Variants in GAP43 observed in about 807,000 individuals in gnomAD.
GAP43 encodes growth associated protein 43.
GAP43 carries 6 observed loss-of-function variants against 18.6 expected under a neutral mutation model. The observed-to-expected ratio is 0.32, with a 90% CI of 0.18 to 0.64. The LOEUF is 0.64. GAP43 is among the 30% of genes least tolerant of loss of function. GAP43 has a pLI of 0.78. For missense variants in GAP43, 292 were observed against 295.5 expected, an observed-to-expected ratio of 0.99 and a Z score of 0.09; for synonymous variants, 115 against 111.4, an observed-to-expected ratio of 1.03 and a Z score of -0.20.
chr3:115,674,615 G>A (rs1337773066), intron 1 of GAP43, among the ~76,000 whole-genome samples: 1 of 152,140 alleles, frequency 6.6e-6, no homozygotes, highest in Non-Finnish European at 1.5e-5. Context: ...TTGTGACTTA[G>A]TTAATATAAG....
intron 2 of GAP43, among the ~76,000 whole-genome samples, chr3:115,703,214 A>G (rs1226741314): frequency 6.6e-6 from 1 of 152,134 alleles, no homozygotes; most frequent in Non-Finnish European, 1.5e-5. Flanking sequence ...TTCACAGAGA[A>G]ATAAGGAAGG....
At chr3:115,711,223 C>T (rs942751842) in intron 2 of GAP43, among the ~76,000 whole-genome samples, 6 of 152,258 alleles carry the variant, frequency 3.9e-5, no homozygotes, top group Non-Finnish European at 7.4e-5. Flanking sequence ...AAATTCTTCA[C>T]GGTCATATGT....
Position 115,623,527 on chromosome 3 carries a change from C to A in GAP43, c.-163C>A. ...TGGACCTTACAGTTGCTGCTAACTG[C>A]CCTGGTGTGTGTGAGGGAGAGAGAG... is the stretch of plus-strand genomic sequence containing the variant. On this transcript the variant is annotated 5_prime_UTR_variant, in exon 1 of 3. Coordinates refer to ENST00000305124, the MANE Select transcript of GAP43 (RefSeq NM_002045.4). 1.3e-6 allele frequency: 1 copy of A among 749,534 alleles called. No individual in the cohort carries two copies. Among genetic ancestry groups the A allele is most frequent in the Non-Finnish European group, 2.3e-6 (1 of 440,210 alleles). The allele number at this position is 749,534 out of a possible 1,614,324, so 46.4% of individuals were successfully genotyped here. A position where few individuals can be genotyped will look rare whatever the true frequency, so the allele number is the denominator to read the frequency against.
At chr3:115,717,422 G>T (rs758105108) in intron 2 of GAP43, among the ~76,000 whole-genome samples, 4 of 151,124 alleles carry the variant, frequency 2.6e-5, no homozygotes, top group Admixed American at 6.6e-5. Context: ...TGATTTTCCT[G>T]CTTCAGCCTC....
chr3:115,635,486 G>A (rs1347183259), intron 1 of GAP43, among the ~76,000 whole-genome samples: 1 of 152,074 alleles, frequency 6.6e-6, no homozygotes, highest in Non-Finnish European at 1.5e-5. Flanking sequence ...CCAGTATGGA[G>A]GAGGAAATGA....
At position 115,623,582 on chromosome 3, in the gene GAP43, G is replaced by T. The variant is rs1412058734; in HGVS notation, c.-108G>T. On this transcript the variant is annotated 5_prime_UTR_variant, in exon 1 of 3. Coordinates refer to ENST00000305124, the MANE Select transcript of GAP43 (RefSeq NM_002045.4). Reference sequence around the variant, plus strand: ...GGAGGGAGAGAGAGCGCGCTAGCGCGAGAGAGCGAGTGAGCAAGCGAGCAG... The same window carrying T: ...GGAGGGAGAGAGAGCGCGCTAGCGCTAGAGAGCGAGTGAGCAAGCGAGCAG... 1.3e-4 allele frequency: 183 copies of T among 1,435,948 alleles called. No homozygotes were observed. The highest frequency in any genetic ancestry group is 1.6e-4 in the Non-Finnish European group (164 of 1,028,406). 89.0% of individuals were successfully genotyped at this position (1,435,948 alleles called of 1,614,324 possible). A position where few individuals can be genotyped will look rare whatever the true frequency, so the allele number is the denominator to read the frequency against.
At chr3:115,665,847 A>C (rs561621753) in intron 1 of GAP43, among the ~76,000 whole-genome samples, 1 of 152,320 alleles carries the variant, frequency 6.6e-6, no homozygotes, top group East Asian at 1.9e-4. Flanking sequence ...TTCATTTGTA[A>C]CTTTTATCAG....
In GAP43 at chr3:115,717,598, C is replaced by T. The variant is rs538267787; in HGVS notation, c.629-3196C>T. ...TGCTGGGATTACAGGTGTGAGCCAC[C>T]GCACCCAGCCTGAATTTTATTGTCT... On this transcript the variant is annotated intron_variant, in intron 2 of 2. Coordinates refer to ENST00000305124, the MANE Select transcript of GAP43 (RefSeq NM_002045.4). 7.2e-5 allele frequency among the ~76,000 whole-genome samples: 11 copies of T among 151,924 alleles called. No homozygotes were observed. In the South Asian group the frequency reaches 1.0e-3, roughly 14 times the overall value.
intron 1 of GAP43, among the ~76,000 whole-genome samples, chr3:115,671,766 T>G (rs1037069825): frequency 6.6e-6 from 1 of 152,206 alleles, no homozygotes; most frequent in African/African-American, 2.4e-5. Flanking sequence ...CTATCTTTAG[T>G]GACATTTATG....
intron 2 of GAP43, among the ~76,000 whole-genome samples, chr3:115,706,180 C>G (rs896081278): frequency 1.3e-5 from 2 of 151,798 alleles, no homozygotes; most frequent in Admixed American, 6.6e-5. Context: ...AACTTTCTCA[C>G]AAAAAAAGCT....
chr3:115,711,699 C>T (rs977430789), intron 2 of GAP43, among the ~76,000 whole-genome samples: 5 of 152,172 alleles, frequency 3.3e-5, no homozygotes, highest in African/African-American at 7.2e-5. Context: ...CCTCTTCCCT[C>T]CAACCCCCAA....
chr3:115,715,950 A>G (rs1709496985), intron 2 of GAP43, among the ~76,000 whole-genome samples: 1 of 152,188 alleles, frequency 6.6e-6, no homozygotes, highest in African/African-American at 2.4e-5. Flanking sequence ...TAAACCATTC[A>G]GTCTCCCTGT....
intron 2 of GAP43, among the ~76,000 whole-genome samples, chr3:115,714,574 A>G (rs1709477949): frequency 6.6e-6 from 1 of 152,074 alleles, no homozygotes; most frequent in Non-Finnish European, 1.5e-5. Flanking sequence ...AAGGTTATTT[A>G]CTCCTGAAAA....
chr3:115,654,944 G>A (rs556189558), intron 1 of GAP43, among the ~76,000 whole-genome samples: 15 of 152,270 alleles, frequency 9.9e-5, no homozygotes, highest in African/African-American at 3.6e-4. Flanking sequence ...GCATCTAGCA[G>A]GGAAGTCCAG....
Position 115,652,356 on chromosome 3 carries a change from C to CTTTTTTTTTTTTTTTTT in GAP43, c.31-23644_31-23628dup, listed in dbSNP as rs71141831. ...TTCCTGATGATTCTTATCCAGCATT[C>CTTTTTTTTTTTTTTTTT]TTTTTTTTTTTTTTTTTTTTTTTTT... On this transcript the variant is annotated intron_variant, in intron 1 of 2. Transcript: ENST00000305124. Among the ~76,000 whole-genome samples, 23 of 43,806 alleles carry CTTTTTTTTTTTTTTTTT rather than the reference C, an allele frequency of 5.3e-4. 6 individuals carry two copies. Among genetic ancestry groups the CTTTTTTTTTTTTTTTTT allele is most frequent in the East Asian group, 9.1e-4 (1 of 1,104 alleles). The allele number at this position is 43,806 out of a possible 152,430, so 28.7% of individuals were successfully genotyped here.
chr3:115,661,719 A>C (rs1420645892), intron 1 of GAP43, among the ~76,000 whole-genome samples: 1 of 150,396 alleles, frequency 6.6e-6, no homozygotes, highest in Non-Finnish European at 1.5e-5. Context: ...CGATCTCCTG[A>C]CCTCGTGATC....
intron 2 of GAP43, among the ~76,000 whole-genome samples, chr3:115,684,114 A>G (rs552259350): frequency 1.1e-4 from 17 of 152,194 alleles, no homozygotes; most frequent in Non-Finnish European, 1.8e-4. Context: ...GGAAGAAAGT[A>G]TTCTAGGAAG....
chr3:115,707,914 C>T (rs1004553935), intron 2 of GAP43, among the ~76,000 whole-genome samples: 6 of 151,908 alleles, frequency 3.9e-5, no homozygotes, highest in African/African-American at 4.8e-5. Context: ...GTTTTCTTCC[C>T]GAGGTAATTG....
At chr3:115,655,834 C>T (rs1474516590) in intron 1 of GAP43, among the ~76,000 whole-genome samples, 1 of 152,058 alleles carries the variant, frequency 6.6e-6, no homozygotes, top group Non-Finnish European at 1.5e-5. Flanking sequence ...TCTATAATTC[C>T]ACACGAACTA....
Sources: gnomAD v4.1 joint callset for allele counts (sites outside exome capture counted in the v4.1 genomes callset) on GRCh38, gnomAD v4.1.1 for gene constraint, MANE v1.5 for transcripts, NCBI Gene and HGNC (gene_info 2026-07-23, HGNC 2026-07-21) for gene names.